Variants in NDEL1 observed in about 807,000 individuals in gnomAD.
NDEL1 encodes the protein nudE neurodevelopment protein 1 like 1, also known as nuclear distribution protein nudE-like 1.
Under a neutral mutation model 45.7 loss-of-function variants are expected in NDEL1, and 9 were observed. The ratio of observed to expected loss-of-function variants is 0.20; its 90% CI spans 0.12 to 0.34. The LOEUF (loss-of-function observed/expected upper bound fraction) is 0.34, where lower values mean the gene tolerates loss of function less well. Among genes scored for constraint, NDEL1 ranks in the 10% least tolerant of loss-of-function variants. The pLI is 1.00. For missense variants in NDEL1, 306 were observed against 406.2 expected (o/e 0.75, Z 2.12); for synonymous variants, 133 against 158.6 (o/e 0.84, Z 1.21).
intron 3 of NDEL1, among the ~76,000 whole-genome samples, chr17:8,473,889 C>T (rs1235256999): frequency 1.3e-5 from 2 of 152,216 alleles, no homozygotes; most frequent in Non-Finnish European, 2.9e-5. Context: ...ATGTCCTGGA[C>T]CCCTGAAAAT....
At chr17:8,443,165 T>A (rs958160177) in intron 1 of NDEL1, among the ~76,000 whole-genome samples, 1 of 152,244 alleles carries the variant, frequency 6.6e-6, no homozygotes, top group African/African-American at 2.4e-5. Context: ...TCAGTAAATA[T>A]CATTGAGTAT....
chr17:8,451,264 A>G lies in NDEL1; in HGVS notation c.700+311A>G, dbSNP rs140686262. ...TAGGTAGAAAATTTTAAAAACACAG[A>G]AAAAGAAAATAAAAATCATGTTATC... On this transcript the variant is annotated intron_variant, in intron 6 of 8. Coordinates refer to ENST00000334527, the MANE Select transcript of NDEL1 (RefSeq NM_030808.5). 2.2e-3 allele frequency among the ~76,000 whole-genome samples: 341 copies of G among 152,364 alleles called. 1 individual carries two copies. Among genetic ancestry groups the G allele is most frequent in the African/African-American group, 7.8e-3 (326 of 41,584 alleles).
intron 1 of NDEL1, among the ~76,000 whole-genome samples, chr17:8,428,879 T>C (rs568474120): frequency 2.6e-4 from 39 of 151,856 alleles, no homozygotes; most frequent in South Asian, 1.7e-3. Context: ...TTCACCGTGT[T>C]AGCCAAGATG....
At chr17:8,414,673 A>T (rs960183836) in intron 1 of NDEL1, among the ~76,000 whole-genome samples, 4 of 152,120 alleles carry the variant, frequency 2.6e-5, no homozygotes, top group Non-Finnish European at 5.9e-5. Context: ...TCTCAAAAAA[A>T]AAAAGTGTCA....
At chr17:8,451,833 T>C (rs74252626) in intron 6 of NDEL1, among the ~76,000 whole-genome samples, 5,174 of 152,148 alleles carry the variant, frequency 0.034, 120 homozygotes, top group South Asian at 0.13. Context: ...AAATATAGGG[T>C]TTTATCTTTT....
chr17:8,447,665 G>A (rs1910170433), intron 4 of NDEL1, among the ~76,000 whole-genome samples: 1 of 152,092 alleles, frequency 6.6e-6, no homozygotes, highest in African/African-American at 2.4e-5. Context: ...TCAAATTTCT[G>A]AACAACGTGC....
intron 8 of NDEL1, 149 bp downstream of exon 8, chr17:8,460,309 T>A: frequency 1.2e-6 from 1 of 822,158 alleles, no homozygotes; most frequent in South Asian, 1.9e-5. Flanking sequence ...ACATGACGTC[T>A]GTTGTTGTCC....
At chr17:8,472,899 C>T (rs1911900072), downstream of NDEL1, among the ~76,000 whole-genome samples, 1 of 152,162 alleles carries the variant, frequency 6.6e-6, no homozygotes, top group African/African-American at 2.4e-5. Context: ...CACCGGGAAC[C>T]ACACTGCTGC....
chr17:8,438,717 T>C (rs1054184342), intron 1 of NDEL1, among the ~76,000 whole-genome samples: 8 of 151,804 alleles, frequency 5.3e-5, no homozygotes, highest in Non-Finnish European at 1.2e-4. Flanking sequence ...GGTTTCAGCA[T>C]GTTGTCCAGG....
rs577009836 is a variant in NDEL1 at position 8,417,830 on chromosome 17, G to A, written c.-13+4561G>A. Among the ~76,000 whole-genome samples the A allele has an allele frequency of 2.3e-4, 35 of 152,300 alleles. No individual in the cohort carries two copies. In the Middle Eastern group the frequency reaches 0.024, roughly 104 times the overall value. On this transcript the variant is annotated intron_variant, in intron 1 of 4. Transcript: ENST00000582812. ...GATGTGTCCAGTCTCCCCAGATCTG[G>A]AGCTATTCTGGTTTAGTTCCTCCAG...
chr17:8,430,773 T>C (rs1908981018), intron 1 of NDEL1, among the ~76,000 whole-genome samples: 1 of 152,222 alleles, frequency 6.6e-6, no homozygotes, highest in Non-Finnish European at 1.5e-5. Context: ...GTTTTATAAC[T>C]TCTGTTCCCT....
chr17:8,468,646 G>A (rs560335762), downstream of NDEL1, among the ~76,000 whole-genome samples: 153 of 152,360 alleles, frequency 1.0e-3, 1 homozygote, highest in East Asian at 5.0e-3. Context: ...CGTAAACTGG[G>A]GGTCTGTGTG....
chr17:8,447,985 G>C (rs567401784), intron 4 of NDEL1, among the ~76,000 whole-genome samples: 16 of 149,548 alleles, frequency 1.1e-4, no homozygotes, highest in Non-Finnish European at 2.0e-4. Flanking sequence ...AGGTGGGCGG[G>C]GGGGGGGCAG....
intron 3 of NDEL1, among the ~76,000 whole-genome samples, chr17:8,473,316 A>G (rs1052305313): frequency 4.6e-5 from 7 of 151,806 alleles, no homozygotes; most frequent in African/African-American, 1.7e-4. Flanking sequence ...CCCCCCAAGT[A>G]GCTGGGACTA....
intron 6 of NDEL1, among the ~76,000 whole-genome samples, chr17:8,451,731 T>A (rs977711704): frequency 6.6e-6 from 1 of 152,172 alleles, no homozygotes; most frequent in Admixed American, 6.5e-5. Flanking sequence ...TTTGTTTAGA[T>A]TTTGCAGCTC....
At chr17:8,439,310 G>A (rs1044293962) in intron 1 of NDEL1, among the ~76,000 whole-genome samples, 1 of 149,666 alleles carries the variant, frequency 6.7e-6, no homozygotes, top group Non-Finnish European at 1.5e-5. Flanking sequence ...GGCCAATCTC[G>A]GCTCACTGCA....
exon 1 of NDEL1, chr17:8,413,231 C>T (rs540711223): frequency 1.8e-3 from 274 of 152,434 alleles, no homozygotes; most frequent in Non-Finnish European, 2.9e-3. Context: ...CGTATGCTGC[C>T]GTGGATCTGA....
rs760840183 is a variant in NDEL1 at position 8,446,877 on chromosome 17, A to G, written c.364A>G (p.Asn122Asp). 2 of 1,614,054 alleles carry G rather than the reference A, an allele frequency of 1.2e-6. No individual in the cohort carries two copies. Among genetic ancestry groups the G allele is most frequent in the Non-Finnish European group, 1.7e-6 (2 of 1,180,032 alleles). ...GTATGTGAGAGAGCTGGAGCAGGCC[A>G]ACGACGACCTGGAGCGAGCCAAAAG... ...HKYVRELEQA[N>D]DDLERAKRAT... Residue 122 changes from asparagine (N) to aspartate (D), a missense_variant, in exon 4 of 9, where the codon AAC (asparagine) becomes GAC (aspartate). Physicochemically the swap from Asn to Asp is conservative, Grantham distance 23. Transcript: ENST00000334527.
intron 7 of NDEL1, among the ~76,000 whole-genome samples, chr17:8,458,558 G>GTA (rs999181334): frequency 6.6e-6 from 1 of 151,928 alleles, no homozygotes; most frequent in Non-Finnish European, 1.5e-5. Flanking sequence ...CTGTGTGTGT[G>GTA]TGTGTGTGTG....
Sources: allele counts gnomAD v4.1 joint callset (sites outside exome capture counted in the v4.1 genomes callset), GRCh38; gene constraint gnomAD v4.1.1; transcripts MANE v1.5; gene names NCBI Gene and HGNC (gene_info 2026-07-23, HGNC 2026-07-21).